YIPF3: variants seen among roughly 807,000 people sequenced by gnomAD.
The protein encoded by YIPF3 is Yip1 domain family member 3.
A neutral mutation model predicts 40.3 loss-of-function variants in YIPF3; 18 were observed. The observed-to-expected ratio is 0.45, with a 90% CI of 0.31 to 0.66. YIPF3 has a LOEUF of 0.66. YIPF3 is among the 30% of genes least tolerant of loss of function. YIPF3 has a pLI of 0.07. For missense variants in YIPF3, 406 were observed against 452.2 expected, an observed-to-expected ratio of 0.90 and a Z score of 0.93; for synonymous variants, 190 against 179.6, an observed-to-expected ratio of 1.06 and a Z score of -0.46.
chr6:43,514,182 A>C (rs1242470009), intron 3 of YIPF3, among the ~76,000 whole-genome samples: 26 of 152,226 alleles, frequency 1.7e-4, no homozygotes, highest in Non-Finnish European at 1.5e-5. Flanking sequence ...CGGAGGTTGC[A>C]GTGAACCGAG....
In YIPF3 at chr6:43,515,640, A is replaced by G; in HGVS notation, c.350T>C (p.Ile117Thr). Residue 117 changes from isoleucine (I) to threonine (T), a missense_variant, in exon 3 of 9, where the codon ATC becomes ACC. By Grantham distance (89) the Ile-to-Thr change is moderately conservative. Transcript: ENST00000372422. ...CTCCACATCAAAGTAGGGTCTGAGG[A>G]TGTCGATGTTGGCGTACAAGCTGAA... is the stretch of plus-strand genomic sequence containing the variant. ...RAFSLYANID[I>T]LRPYFDVEPA... 6.2e-7 allele frequency: 1 copy of G among 1,613,802 alleles called. No individual in the cohort carries two copies. The highest frequency in any genetic ancestry group is 8.5e-7 in the Non-Finnish European group (1 of 1,180,024).
chr6:43,515,776 T>G lies in YIPF3; in HGVS notation c.289-75A>C, dbSNP rs528441280. On this transcript the variant is annotated intron_variant, in intron 2 of 8. Transcript: ENST00000372422. ...TCCTGTTGCCTATTTTCCGTTTGAT[T>G]TCTACATGGTTCTAACTGGACAACC... 3.7e-6 allele frequency: 6 copies of G among 1,605,652 alleles called. No individual in the cohort carries two copies. The African/African-American group carries it at 8.0e-5, about 21-fold the overall frequency.
rs199862941 is a variant in YIPF3 at position 43,516,761 on chromosome 6, C to A, written c.47G>T (p.Gly16Val). 1.9e-5 allele frequency: 30 copies of A among 1,599,444 alleles called. No individual in the cohort carries two copies. In the East Asian group the frequency reaches 5.7e-4, roughly 31 times the overall value. ...APAGGARNGA[G>V]PEWGGFEENI... ...TTCTTCGAACCCTCCCCATTCCGGG[C>A]CAGCTCCATTTCGGGCGCCGCCCGC... Residue 16 changes from glycine to valine, a missense_variant, in exon 1 of 9, where the codon GGC becomes GTC. Transcript: ENST00000372422.
At chr6:43,513,660 C>CA (rs1176249221) in intron 3 of YIPF3, 27 bp from the exon 4 acceptor site, 1 of 1,529,906 alleles carries the variant, frequency 6.5e-7, no homozygotes, top group Non-Finnish European at 8.8e-7. Flanking sequence ...GAGATTAAAG[C>CA]AAAGGCAGCA....
In YIPF3 at chr6:43,515,705, A is replaced by C. The variant is rs1792797353; in HGVS notation, c.289-4T>G. 6.2e-7 allele frequency: 1 copy of C among 1,613,934 alleles called. No homozygotes were observed. The highest frequency in any genetic ancestry group is 1.3e-5 in the African/African-American group (1 of 74,902). The stretch of plus-strand genomic sequence containing the variant: ...GTCTTTTCCCAGCCTGCCACATCTG[A>C]AGTAAGGAAGATGGGCATAGGTATT... On this transcript the variant is annotated splice_region_variant and splice_polypyrimidine_tract_variant and intron_variant, in intron 2 of 8. Coordinates refer to ENST00000372422, the MANE Select transcript of YIPF3 (RefSeq NM_015388.4).
In YIPF3 at chr6:43,515,966, C is replaced by A. The variant is rs779347422; in HGVS notation, c.211G>T (p.Ala71Ser). The A allele has an allele frequency of 9.9e-6, 16 of 1,613,618 alleles. No homozygotes were observed. Among genetic ancestry groups the A allele is most frequent in the Non-Finnish European group, 1.4e-5 (16 of 1,179,788 alleles). Residue 71 changes from alanine to serine, a missense_variant, in exon 2 of 9, where the codon GCT becomes TCT. Ala to Ser is a moderately conservative substitution (Grantham distance 99, BLOSUM62 1). Coordinates refer to ENST00000372422, the MANE Select transcript of YIPF3 (RefSeq NM_015388.4). ...AACTCTCCATCCTCCTCTTCAGCAG[C>A]AGCTGCATCAGCTGCATCAGCGTCT... is the stretch of plus-strand genomic sequence containing the variant. ...EVDADAADAA[A>S]AEEEDGEFLG...
chr6:43,514,195 C>G (rs1415457011), intron 3 of YIPF3, among the ~76,000 whole-genome samples: 1 of 152,156 alleles, frequency 6.6e-6, no homozygotes, highest in African/African-American at 2.4e-5. Flanking sequence ...GAACCGAGAT[C>G]GCGCCACTGC....
chr6:43,512,615 G>T, intron 7 of YIPF3, 52 bp from the exon 8 acceptor site: 1 of 1,568,534 alleles, frequency 6.4e-7, no homozygotes, highest in East Asian at 2.3e-5. Context: ...GTGAGGAGTG[G>T]GGACAAGACA....
At position 43,516,100 on chromosome 6, in the gene YIPF3, G is replaced by T. The variant is rs769794467; in HGVS notation, c.82-5C>A. 6.2e-7 allele frequency: 1 copy of T among 1,614,162 alleles called. No homozygotes were observed. Among genetic ancestry groups the T allele is most frequent in the South Asian group, 1.1e-5 (1 of 91,064 alleles). On this transcript the variant is annotated splice_polypyrimidine_tract_variant and splice_region_variant and intron_variant, in intron 1 of 8. Transcript: ENST00000372422. Reference sequence around the variant, plus strand: ...AATCACAGCTGAGCCTCCGCCCTGTGAAGACAATGGCTCCTAGAGTGCAGG... The same window carrying T: ...AATCACAGCTGAGCCTCCGCCCTGTTAAGACAATGGCTCCTAGAGTGCAGG...
At chr6:43,512,938 G>A in intron 6 of YIPF3, 64 bp from the exon 7 acceptor site, 1 of 1,594,352 alleles carries the variant, frequency 6.3e-7, no homozygotes, top group East Asian at 2.2e-5. Flanking sequence ...CCCCTCATGG[G>A]GACCCTGGGA....
chr6:43,516,618 G>A (rs1792842526), intron 1 of YIPF3, 109 bp downstream of exon 1: 1 of 1,310,356 alleles, frequency 7.6e-7, no homozygotes, highest in Non-Finnish European at 1.1e-6. Context: ...CCAAAGAAGA[G>A]AGTTTTGTAA....
Position 43,516,885 on chromosome 6 carries a change from T to C in YIPF3, c.-78A>G, listed in dbSNP as rs1792855804. Reference sequence around the variant, plus strand: ...GGGCAAGATGTGGGCCTCCGGAAGGTAGACGTCCAGGGTCGAGGAGAGGTG... The same window carrying C: ...GGGCAAGATGTGGGCCTCCGGAAGGCAGACGTCCAGGGTCGAGGAGAGGTG... On this transcript the variant is annotated 5_prime_UTR_variant, in exon 1 of 9. Transcript: ENST00000372422. The C allele has an allele frequency of 6.7e-7, 1 of 1,483,838 alleles. No homozygotes were observed. Among genetic ancestry groups the C allele is most frequent in the Non-Finnish European group, 9.2e-7 (1 of 1,086,162 alleles). The allele number at this position is 1,483,838 out of a possible 1,614,324, so 91.9% of individuals were successfully genotyped here. A position where few individuals can be genotyped will look rare whatever the true frequency, so the allele number is the denominator to read the frequency against.
At chr6:43,514,370 G>C (rs184992196) in intron 3 of YIPF3, among the ~76,000 whole-genome samples, 1 of 152,300 alleles carries the variant, frequency 6.6e-6, no homozygotes, top group Non-Finnish European at 1.5e-5. Flanking sequence ...AATGAAAGGT[G>C]TTACTGAGGG....
rs1206127903 is a variant in YIPF3, at chr6:43,515,581, A to C, written c.395+14T>G. 2 of 1,612,928 alleles carry C rather than the reference A, an allele frequency of 1.2e-6. No individual in the cohort carries two copies. Among genetic ancestry groups the C allele is most frequent in the African/African-American group, 2.7e-5 (2 of 74,874 alleles). On this transcript the variant is annotated intron_variant, in intron 3 of 8. Coordinates refer to ENST00000372422, the MANE Select transcript of YIPF3 (RefSeq NM_015388.4). ...GTGTTAGGAGGGAAGCTTCTTCAAG[A>C]GAAGGCTCCTCACCTGCTTCGCACC...
Position 43,513,240 on chromosome 6 carries a change from G to T in YIPF3, c.535-40C>A, listed in dbSNP as rs367896377. 8 of 1,613,564 alleles carry T rather than the reference G, an allele frequency of 5.0e-6. No homozygotes were observed. The African/African-American group carries it at 9.3e-5, about 19-fold the overall frequency. On this transcript the variant is annotated intron_variant, in intron 5 of 8. Coordinates refer to ENST00000372422, the MANE Select transcript of YIPF3 (RefSeq NM_015388.4). ...CTCTATTTAGTCCTAGGAGGCCTCT[G>T]ATCTCAGCCTCACCTAGGGCCTTCC... is the stretch of plus-strand genomic sequence containing the variant.
chr6:43,512,616 G>C, intron 7 of YIPF3, 53 bp from the exon 8 acceptor site: 1 of 1,567,856 alleles, frequency 6.4e-7, no homozygotes, highest in Non-Finnish European at 8.6e-7. Context: ...TGAGGAGTGG[G>C]GACAAGACAC....
chr6:43,515,721 C>T lies in YIPF3; in HGVS notation c.289-20G>A. ...CCACATCTGAAGTAAGGAAGATGGG[C>T]ATAGGTATTGTGGTACTGTTGGTTC... On this transcript the variant is annotated intron_variant, in intron 2 of 8. Transcript: ENST00000372422. 6.2e-7 allele frequency: 1 copy of T among 1,613,846 alleles called. No homozygotes were observed. Among genetic ancestry groups the T allele is most frequent in the Non-Finnish European group, 8.5e-7 (1 of 1,179,772 alleles).
intron 3 of YIPF3, 28 bp downstream of exon 3, chr6:43,515,567 G>C: frequency 6.2e-7 from 1 of 1,611,508 alleles, no homozygotes; most frequent in East Asian, 2.2e-5. Context: ...TGTTAGGAGG[G>C]AAGCTTCTTC....
intron 5 of YIPF3, 29 bp downstream of exon 5, chr6:43,513,330 A>AC (rs752551767): frequency 1.5e-4 from 241 of 1,613,250 alleles, no homozygotes; most frequent in Non-Finnish European, 1.7e-4. Context: ...TAGTGCAGCC[A>AC]CCCCCCCAAA....
Sources: allele counts gnomAD v4.1 joint callset (sites outside exome capture counted in the v4.1 genomes callset), GRCh38; gene constraint gnomAD v4.1.1; transcripts MANE v1.5; gene names NCBI Gene and HGNC (gene_info 2026-07-23, HGNC 2026-07-21).